Variants in CDH4 observed in about 807,000 individuals in gnomAD.
CDH4 encodes the protein cadherin 4.
In CDH4, 33 loss-of-function variants were observed where a neutral mutation model predicts 86.0. The ratio of observed to expected loss-of-function variants is 0.38; its 90% CI spans 0.29 to 0.51. CDH4 has a LOEUF of 0.51. Ranked by LOEUF, CDH4 falls within the 20% of genes least tolerant of loss-of-function variation. The pLI is 0.86. For synonymous variants in CDH4, 555 were observed against 549.4 expected, an observed-to-expected ratio of 1.01 and a Z score of -0.14; for missense variants, 1,114 against 1,307.4, an observed-to-expected ratio of 0.85 and a Z score of 2.28.
intron 2 of CDH4, among the ~76,000 whole-genome samples, chr20:61,658,299 G>A (rs1256440432): frequency 6.6e-6 from 1 of 151,552 alleles, no homozygotes; most frequent in Non-Finnish European, 1.5e-5. Flanking sequence ...CCGGATCTCT[G>A]TATTAGAGAG....
chr20:61,581,592 G>A (rs1021938531), intron 2 of CDH4, among the ~76,000 whole-genome samples: 8 of 152,010 alleles, frequency 5.3e-5, no homozygotes, highest in Non-Finnish European at 8.8e-5. Flanking sequence ...TGTGTGCTCC[G>A]AAGTCACACC....
intron 2 of CDH4, among the ~76,000 whole-genome samples, chr20:61,691,381 A>G (rs914378290): frequency 1.0e-4 from 15 of 149,758 alleles, no homozygotes; most frequent in African/African-American, 3.7e-4. Context: ...ATGTGTGTGT[A>G]TTTGTGTGGA....
intron 4 of CDH4, among the ~76,000 whole-genome samples, chr20:61,821,261 C>T (rs1200945731): frequency 7.2e-6 from 1 of 138,318 alleles, no homozygotes; most frequent in South Asian, 2.6e-4. Flanking sequence ...AGTCCTCTCA[C>T]TCCCTACACA....
intron 2 of CDH4, among the ~76,000 whole-genome samples, chr20:61,464,441 G>A (rs1235120628): frequency 6.6e-6 from 1 of 152,202 alleles, no homozygotes. Flanking sequence ...GTTGAGAAAT[G>A]ACAGTCCAAT....
At chr20:61,785,523 G>GAC (rs1442784607) in intron 4 of CDH4, among the ~76,000 whole-genome samples, 1 of 152,198 alleles carries the variant, frequency 6.6e-6, no homozygotes, top group African/African-American at 2.4e-5. Flanking sequence ...TCGTCTGGTG[G>GAC]ACACTGCACA....
At chr20:61,844,852 G>A in intron 5 of CDH4, 29 bp downstream of exon 5, 2 of 1,588,388 alleles carry the variant, frequency 1.3e-6, no homozygotes, top group Non-Finnish European at 1.7e-6. Context: ...CTGAGAATGG[G>A]GCCCTGGGGT....
intron 4 of CDH4, among the ~76,000 whole-genome samples, chr20:61,791,112 CA>C (rs751223934): frequency 6.6e-5 from 10 of 152,174 alleles, no homozygotes; most frequent in African/African-American, 2.4e-4. Context: ...ACCGAACAGG[CA>C]AAAAAATTGC....
At chr20:61,656,336 GGTGGGTAGGCGCGTGCTGAA>G (rs1380556748) in intron 2 of CDH4, among the ~76,000 whole-genome samples, 1 of 143,930 alleles carries the variant, frequency 6.9e-6, no homozygotes, top group Non-Finnish European at 1.5e-5. Context: ...CGCGTGCTGG[GGTGGGTAGGCGCGTGCTGAA>G]GTGGGCAGGC....
chr20:61,489,396 C>T (rs1191074955), intron 2 of CDH4, among the ~76,000 whole-genome samples: 2 of 152,122 alleles, frequency 1.3e-5, no homozygotes, highest in African/African-American at 4.8e-5. Flanking sequence ...ACTCTATGGC[C>T]CAGTAGTTTC....
chr20:61,645,411 G>A (rs113000671), intron 2 of CDH4, among the ~76,000 whole-genome samples: 1,629 of 152,258 alleles, frequency 0.011, 30 homozygotes, highest in African/African-American at 0.037. Flanking sequence ...AGGATCACTT[G>A]AGCCCAGGAG....
At chr20:61,659,111 G>C (rs62197806) in intron 2 of CDH4, among the ~76,000 whole-genome samples, 2 of 152,120 alleles carry the variant, frequency 1.3e-5, no homozygotes, top group East Asian at 3.9e-4. Context: ...GAATGTATTT[G>C]ATTGGTAAGT....
chr20:61,566,704 A>G (rs549824618), intron 2 of CDH4, among the ~76,000 whole-genome samples: 2 of 151,968 alleles, frequency 1.3e-5, no homozygotes, highest in East Asian at 3.9e-4. Context: ...TCACTTTCTA[A>G]TTTACCAGTC....
chr20:61,487,059 G>A (rs574078960), intron 2 of CDH4, among the ~76,000 whole-genome samples: 2 of 152,158 alleles, frequency 1.3e-5, no homozygotes, highest in Non-Finnish European at 2.9e-5. Context: ...TATCTTCCAG[G>A]AGTTTTATAG....
At chr20:61,799,939 C>T (rs977583123) in intron 4 of CDH4, among the ~76,000 whole-genome samples, 4 of 152,160 alleles carry the variant, frequency 2.6e-5, no homozygotes, top group Admixed American at 1.3e-4. Flanking sequence ...CATGCAACCT[C>T]CCTGAGAGCC....
intron 2 of CDH4, among the ~76,000 whole-genome samples, chr20:61,415,027 T>G (rs2145495040): frequency 6.6e-6 from 1 of 152,362 alleles, no homozygotes; most frequent in South Asian, 2.1e-4. Context: ...GAGGCTGGGC[T>G]TTTCCGCTAG....
intron 6 of CDH4, among the ~76,000 whole-genome samples, chr20:61,867,581 GA>G (rs1178218219): frequency 1.4e-5 from 2 of 147,552 alleles, no homozygotes; most frequent in African/African-American, 2.5e-5. Flanking sequence ...GAGAGCTTAT[GA>G]TAAAATTGAG....
rs986568376 is a variant in CDH4, at chr20:61,913,486, AGCAGGCCCACGGAGCCCCTTG to A, written c.1374+2897_1374+2917del. Among the ~76,000 whole-genome samples, 10 of 152,338 alleles carry A rather than the reference AGCAGGCCCACGGAGCCCCTTG, an allele frequency of 6.6e-5. No individual in the cohort carries two copies. In the South Asian group the frequency reaches 1.7e-3, roughly 25 times the overall value. On this transcript the variant is annotated intron_variant, in intron 9 of 15. Coordinates refer to ENST00000614565, the MANE Select transcript of CDH4 (RefSeq NM_001794.5). Reference sequence around the variant, plus strand: ...CCTCGTGGCACTGGGCCAGGCCCTCAGCAGGCCCACGGAGCCCCTTGGCAGGCCCACGGAGCCCTCTTCTGT... The same window carrying A: ...CCTCGTGGCACTGGGCCAGGCCCTCAGCAGGCCCACGGAGCCCTCTTCTGT...
chr20:61,613,948 G>T (rs1438938083), intron 2 of CDH4, among the ~76,000 whole-genome samples: 1 of 152,094 alleles, frequency 6.6e-6, no homozygotes, highest in Non-Finnish European at 1.5e-5. Flanking sequence ...GTATGTCTTG[G>T]GTTCCTTGTG....
chr20:61,526,786 T>A (rs777702937), intron 2 of CDH4, among the ~76,000 whole-genome samples: 1 of 151,984 alleles, frequency 6.6e-6, no homozygotes, highest in Non-Finnish European at 1.5e-5. Flanking sequence ...ACTTCCTAAA[T>A]AGAGCTTTAT....
Sources: allele counts gnomAD v4.1 joint callset (sites outside exome capture counted in the v4.1 genomes callset), GRCh38; gene constraint gnomAD v4.1.1; transcripts MANE v1.5; gene names NCBI Gene and HGNC (gene_info 2026-07-23, HGNC 2026-07-21).